The following PARD3 variants were observed in gnomAD, a reference collection of about 807,000 sequenced individuals.
The protein encoded by PARD3 is par-3 family cell polarity regulator.
Under a neutral mutation model 155.4 loss-of-function variants are expected in PARD3, and 75 were observed. The ratio of observed to expected loss-of-function variants is 0.48; its 90% CI spans 0.40 to 0.58. The LOEUF (loss-of-function observed/expected upper bound fraction) is 0.58. Among genes scored for constraint, PARD3 ranks in the 20% least tolerant of loss-of-function variants. PARD3 has a pLI of 0.00. For missense variants in PARD3, 1,642 were observed against 1,721.7 expected, an observed-to-expected ratio of 0.95 and a Z score of 0.82; for synonymous variants, 576 against 610.5, an observed-to-expected ratio of 0.94 and a Z score of 0.83.
chr10:34,788,195 C>G (rs1435066214), intron 1 of PARD3, among the ~76,000 whole-genome samples: 2 of 152,074 alleles, frequency 1.3e-5, no homozygotes, highest in Non-Finnish European at 1.5e-5. Context: ...GAATTTCACT[C>G]CATGTAACAT....
intron 15 of PARD3, chr10:34,346,525 C>A: frequency 7.8e-7 from 1 of 1,283,258 alleles, no homozygotes; most frequent in Non-Finnish European, 1.0e-6. Context: ...CTCTCTCTCT[C>A]TCAAGGGGAC....
chr10:34,145,250 T>C lies in PARD3; in HGVS notation c.3420-13667A>G, dbSNP rs541140133. ...TTTTTTTTTTTTTTTTTACAGGATC[T>C]TCTCTTTCTGGTATTCCAAAACTTC... On this transcript the variant is annotated intron_variant, in intron 22 of 24. Transcript: ENST00000374788. Among the ~76,000 whole-genome samples the C allele has an allele frequency of 5.4e-4, 70 of 129,774 alleles. 1 individual carries two copies. Among genetic ancestry groups the C allele is most frequent in the African/African-American group, 1.9e-3 (68 of 36,624 alleles). The allele number at this position is 129,774 out of a possible 152,430, so 85.1% of individuals were successfully genotyped here.
chr10:34,465,924 A>G (rs1365742406), intron 4 of PARD3, among the ~76,000 whole-genome samples: 1 of 152,144 alleles, frequency 6.6e-6, no homozygotes, highest in Admixed American at 6.5e-5. Context: ...CTTTATTCAC[A>G]GCAACACTGA....
chr10:34,161,782 A>C (rs530210571), intron 22 of PARD3, among the ~76,000 whole-genome samples: 1 of 152,088 alleles, frequency 6.6e-6, no homozygotes, highest in Admixed American at 6.5e-5. Flanking sequence ...AAGATGCCCT[A>C]TATCTGTGAC....
At position 34,795,636 on chromosome 10, in the gene PARD3, C is replaced by T. The variant is rs557656201; in HGVS notation, c.120+19240G>A. On this transcript the variant is annotated intron_variant, in intron 1 of 24. Coordinates refer to ENST00000374788, the MANE Select transcript of PARD3 (RefSeq NM_001184785.2). ...AAAAAAAACCGGGCGTGGTGGCTCA[C>T]GCCTGCAATCCCAGCACTTTGGCCA... 4.0e-4 allele frequency among the ~76,000 whole-genome samples: 61 copies of T among 150,998 alleles called. No homozygotes were observed. In the South Asian group the frequency reaches 0.012, roughly 29 times the overall value.
At chr10:34,413,204 A>C (rs575929846) in intron 5 of PARD3, among the ~76,000 whole-genome samples, 1 of 150,746 alleles carries the variant, frequency 6.6e-6, no homozygotes, top group Admixed American at 6.6e-5. Context: ...TTTGTAACTG[A>C]TAAGAAACTA....
At chr10:34,559,226 T>C (rs540556707) in intron 2 of PARD3, among the ~76,000 whole-genome samples, 14 of 152,282 alleles carry the variant, frequency 9.2e-5, no homozygotes, top group South Asian at 6.2e-4. Flanking sequence ...ATTGATCTTA[T>C]TGGCAAAGTA....
chr10:34,789,590 G>C (rs966423006), intron 1 of PARD3, among the ~76,000 whole-genome samples: 5 of 151,934 alleles, frequency 3.3e-5, no homozygotes, highest in Admixed American at 3.3e-4. Context: ...TGTAGTTCCA[G>C]CTACTCAGTA....
chr10:34,363,234 A>T (rs996680203), intron 12 of PARD3, among the ~76,000 whole-genome samples: 3 of 152,212 alleles, frequency 2.0e-5, no homozygotes, highest in African/African-American at 7.2e-5. Context: ...CTGGCTGCAT[A>T]TATGAAGAAA....
At chr10:34,352,231 C>A (rs538029269) in intron 14 of PARD3, among the ~76,000 whole-genome samples, 1 of 152,324 alleles carries the variant, frequency 6.6e-6, no homozygotes, top group South Asian at 2.1e-4. Flanking sequence ...CTATTTTCAA[C>A]ACTCAAGGAA....
chr10:34,609,554 T>C (rs1362541138), intron 2 of PARD3, among the ~76,000 whole-genome samples: 2 of 152,104 alleles, frequency 1.3e-5, no homozygotes, highest in Non-Finnish European at 2.9e-5. Context: ...CTCTTTTTGT[T>C]TGTTTAGAGA....
At chr10:34,756,913 T>C (rs749144361) in intron 1 of PARD3, among the ~76,000 whole-genome samples, 25 of 152,208 alleles carry the variant, frequency 1.6e-4, no homozygotes, top group Non-Finnish European at 3.2e-4. Context: ...TTTTCTTCTT[T>C]TACTTTTCTG....
At chr10:34,688,188 C>T (rs2093984401) in intron 2 of PARD3, among the ~76,000 whole-genome samples, 1 of 152,134 alleles carries the variant, frequency 6.6e-6, no homozygotes, top group Non-Finnish European at 1.5e-5. Context: ...CAATCAGTCT[C>T]AGGTGACTGG....
intron 2 of PARD3, among the ~76,000 whole-genome samples, chr10:34,600,292 C>T (rs2089651564): frequency 6.6e-6 from 1 of 151,876 alleles, no homozygotes; most frequent in African/African-American, 2.4e-5. Context: ...TTGCAGTGAG[C>T]CAAGATTGTA....
At chr10:34,749,792 G>A (rs567145783) in intron 1 of PARD3, among the ~76,000 whole-genome samples, 178 of 152,210 alleles carry the variant, frequency 1.2e-3, no homozygotes, top group Admixed American at 2.2e-3. Context: ...AGAGGCAGGA[G>A]GGCAGATCAC....
At chr10:34,436,771 C>A (rs1363707049) in intron 5 of PARD3, among the ~76,000 whole-genome samples, 2 of 151,948 alleles carry the variant, frequency 1.3e-5, no homozygotes, top group Non-Finnish European at 1.5e-5. Flanking sequence ...AAAATGGACA[C>A]CTTTTATGTG....
At chr10:34,579,815 T>C (rs2087268577) in intron 2 of PARD3, among the ~76,000 whole-genome samples, 1 of 150,536 alleles carries the variant, frequency 6.6e-6, no homozygotes, top group South Asian at 2.1e-4. Flanking sequence ...GACCTCTTGA[T>C]CCACCCACTC....
rs151087384 is a variant in PARD3, at chr10:34,189,563, G to C, written c.3420-57980C>G. Among the ~76,000 whole-genome samples the C allele has an allele frequency of 3.3e-5, 5 of 152,250 alleles. No homozygotes were observed. The East Asian group carries it at 9.7e-4, about 29-fold the overall frequency. On this transcript the variant is annotated intron_variant, in intron 22 of 24. Coordinates refer to ENST00000374788, the MANE Select transcript of PARD3 (RefSeq NM_001184785.2). Reference sequence around the variant, plus strand: ...CATCACTTAGGCATGCCCTGGATGAGGCAGTAAGTATTAATTTGGTAAATC... The same window carrying C: ...CATCACTTAGGCATGCCCTGGATGACGCAGTAAGTATTAATTTGGTAAATC...
At chr10:34,607,005 GAGCATGAGCA>G (rs2132576841) in intron 2 of PARD3, among the ~76,000 whole-genome samples, 1 of 151,050 alleles carries the variant, frequency 6.6e-6, no homozygotes, top group Admixed American at 6.6e-5. Flanking sequence ...AACACAGCTG[GAGCATGAGCA>G]TGTAAGTAGC....
Sources: allele counts gnomAD v4.1 joint callset (sites outside exome capture counted in the v4.1 genomes callset), GRCh38; gene constraint gnomAD v4.1.1; transcripts MANE v1.5; gene names NCBI Gene and HGNC (gene_info 2026-07-23, HGNC 2026-07-21).